Variants in ERAP1 observed in about 807,000 individuals in gnomAD.
ERAP1 encodes endoplasmic reticulum aminopeptidase 1.
In ERAP1, 86 loss-of-function variants were observed where a neutral mutation model predicts 103.7. The ratio of observed to expected loss-of-function variants is 0.83; its 90% CI spans 0.70 to 0.99. ERAP1 has a LOEUF of 0.99. ERAP1 is among the 50% of genes least tolerant of loss of function. The pLI is 0.00. For missense variants in ERAP1, 1,009 were observed against 1,128.4 expected, an observed-to-expected ratio of 0.89 and a Z score of 1.52; for synonymous variants, 398 against 402.4, an observed-to-expected ratio of 0.99 and a Z score of 0.13.
the ERAP1 span, among the ~76,000 whole-genome samples, chr5:96,900,570 T>C: frequency 6.6e-6 from 1 of 152,146 alleles, no homozygotes; most frequent in Non-Finnish European, 1.5e-5. Context: ...TGGGAAGTTA[T>C]AGAATCACTA....
At chr5:96,838,207 T>C in the ERAP1 span, among the ~76,000 whole-genome samples, 1 of 152,224 alleles carries the variant, frequency 6.6e-6, no homozygotes, top group African/African-American at 2.4e-5. Flanking sequence ...TCCTGCCTCC[T>C]GTCCCTATCA....
intron 18 of ERAP1, chr5:96,779,420 C>G (rs555340900): frequency 6.6e-6 from 1 of 152,160 alleles, no homozygotes; most frequent in Non-Finnish European, 1.5e-5. Context: ...GGAGTTCAAG[C>G]TTGAATTATT....
intron 19 of ERAP1, among the ~76,000 whole-genome samples, chr5:96,763,690 TAAAC>T (rs1200228866): frequency 6.6e-6 from 1 of 152,202 alleles, no homozygotes; most frequent in Non-Finnish European, 1.5e-5. Flanking sequence ...AAGAGTCAAA[TAAAC>T]CATGATAATT....
upstream of ERAP1, among the ~76,000 whole-genome samples, chr5:96,811,248 G>A (rs532718513): frequency 6.6e-6 from 1 of 152,228 alleles, no homozygotes; most frequent in East Asian, 1.9e-4. Flanking sequence ...AGGGAAGACG[G>A]TACAGATGCC....
the ERAP1 span, among the ~76,000 whole-genome samples, chr5:96,852,440 A>G: frequency 9.9e-5 from 15 of 152,162 alleles, no homozygotes; most frequent in Non-Finnish European, 2.1e-4. Context: ...TAGAAAAGAA[A>G]ATTTAAATAC....
the ERAP1 span, among the ~76,000 whole-genome samples, chr5:96,818,908 T>TTATG: frequency 6.7e-6 from 1 of 149,802 alleles, no homozygotes; most frequent in Admixed American, 6.7e-5. Context: ...ATTTATTTAT[T>TTATG]TATTTATTTA....
the ERAP1 span, among the ~76,000 whole-genome samples, chr5:96,889,759 C>T: frequency 2.0e-5 from 3 of 152,058 alleles, no homozygotes; most frequent in African/African-American, 4.8e-5. Flanking sequence ...GAGGGAAACA[C>T]ACCTCCCATC....
At chr5:96,910,412 C>T in the ERAP1 span, 1 of 150,320 alleles carries the variant, frequency 6.7e-6, no homozygotes, top group East Asian at 1.9e-4. Flanking sequence ...TCTTTTTGGA[C>T]TTTTTTTCCT....
upstream of ERAP1, among the ~76,000 whole-genome samples, chr5:96,810,349 G>A (rs557575789): frequency 6.6e-6 from 1 of 152,168 alleles, no homozygotes; most frequent in African/African-American, 2.4e-5. Context: ...CAGAGAGAAA[G>A]GGTACCTAGG....
the ERAP1 span, chr5:96,903,467 G>A: frequency 6.2e-7 from 1 of 1,613,906 alleles, no homozygotes; most frequent in Non-Finnish European, 8.5e-7. Context: ...GGTCATGGAT[G>A]GGACCAACTC....
chr5:96,928,516 G>T, the ERAP1 span, among the ~76,000 whole-genome samples: 1 of 152,110 alleles, frequency 6.6e-6, no homozygotes, highest in Non-Finnish European at 1.5e-5. Flanking sequence ...ACAAGCCTAG[G>T]GACTATTAGA....
chr5:96,828,706 G>A, the ERAP1 span, among the ~76,000 whole-genome samples: 1 of 152,136 alleles, frequency 6.6e-6, no homozygotes, highest in African/African-American at 2.4e-5. Context: ...CCCTAGTTTT[G>A]AACATAGTAC....
chr5:96,921,618 C>G, the ERAP1 span, among the ~76,000 whole-genome samples: 2 of 152,172 alleles, frequency 1.3e-5, no homozygotes, highest in Non-Finnish European at 2.9e-5. Flanking sequence ...AGATCTTTTA[C>G]AAATGTATTC....
intron 3 of ERAP1, among the ~76,000 whole-genome samples, chr5:96,800,598 T>G (rs27543): frequency 0.23 from 34,366 of 152,134 alleles, 3,941 homozygotes; most frequent in East Asian, 0.27. Flanking sequence ...GACCTGAATT[T>G]CTTATACCAC....
At chr5:96,911,866 C>CAAAAAAAA in the ERAP1 span, among the ~76,000 whole-genome samples, 296 of 56,460 alleles carry the variant, frequency 5.2e-3, 3 homozygotes, top group African/African-American at 0.019. Context: ...GACCCTGTCT[C>CAAAAAAAA]AAAAAAAAAA....
At chr5:96,793,717 A>C (rs903235592) in intron 6 of ERAP1, 86 bp downstream of exon 6, 1 of 1,329,284 alleles carries the variant, frequency 7.5e-7, no homozygotes, top group African/African-American at 1.5e-5. Context: ...AAGACAAAGT[A>C]AAAATTATAT....
chr5:96,808,236 G>GGAGA (rs1778911966), upstream of ERAP1: 1 of 622,536 alleles, frequency 1.6e-6, no homozygotes, highest in African/African-American at 2.1e-5. Flanking sequence ...GTGTGTGTGT[G>GGAGA]TGTGTGTGTG....
rs922915586 is a variant in ERAP1 at position 96,783,564 on chromosome 5, C to G, written c.2101-329G>C. On this transcript the variant is annotated intron_variant, in intron 14 of 18. Coordinates refer to ENST00000443439, the MANE Select transcript of ERAP1 (RefSeq NM_001040458.3). ...GCAACAAGACTTCAGGACATTTTGC[C>G]AAGCATAACAATTTTGTGCCTCTTC... Among the ~76,000 whole-genome samples, 3 of 152,104 alleles carry G rather than the reference C, an allele frequency of 2.0e-5. 1 individual carries two copies. The highest frequency in any genetic ancestry group is 4.4e-5 in the Non-Finnish European group (3 of 68,024).
At chr5:96,791,239 G>T (rs1371933139) in intron 8 of ERAP1, among the ~76,000 whole-genome samples, 2 of 152,160 alleles carry the variant, frequency 1.3e-5, no homozygotes, top group Non-Finnish European at 2.9e-5. Flanking sequence ...TACCACGGAT[G>T]GTGAGTCACA....
Sources: allele counts gnomAD v4.1 joint callset (sites outside exome capture counted in the v4.1 genomes callset), GRCh38; gene constraint gnomAD v4.1.1; transcripts MANE v1.5; gene names NCBI Gene and HGNC (gene_info 2026-07-23, HGNC 2026-07-21).